ROBO2: variants seen among roughly 807,000 people sequenced by gnomAD.
ROBO2 encodes the protein roundabout guidance receptor 2, also known as roundabout homolog 2.
Under a neutral mutation model 160.8 loss-of-function variants are expected in ROBO2, and 53 were observed. The ratio of observed to expected loss-of-function variants is 0.33; its 90% CI spans 0.26 to 0.41. The LOEUF is 0.41. Ranked by LOEUF, ROBO2 falls within the 10% of genes least tolerant of loss-of-function variation. The probability of loss-of-function intolerance (pLI) is 1.00; values close to 1 mark genes in which losing one functional copy is unlikely to be tolerated. For missense variants in ROBO2, 1,577 were observed against 1,722.4 expected (o/e 0.92, Z 1.49); for synonymous variants, 664 against 611.7 (o/e 1.09, Z -1.26).
intron 2 of ROBO2, among the ~76,000 whole-genome samples, chr3:77,406,664 G>A (rs2076278604): frequency 6.6e-6 from 1 of 151,988 alleles, no homozygotes; most frequent in South Asian, 2.1e-4. Flanking sequence ...TTACCTATAA[G>A]TTGAAAAGTA....
intron 2 of ROBO2, among the ~76,000 whole-genome samples, chr3:76,427,511 A>G (rs148904514): frequency 3.3e-5 from 5 of 152,300 alleles, no homozygotes; most frequent in Admixed American, 3.3e-4. Flanking sequence ...CTGCAAAAAA[A>G]TGTAACTTAA....
At chr3:76,634,586 A>AAG (rs2090215500) in intron 2 of ROBO2, among the ~76,000 whole-genome samples, 1 of 151,064 alleles carries the variant, frequency 6.6e-6, no homozygotes, top group African/African-American at 2.4e-5. Flanking sequence ...AAAAAAAAAA[A>AAG]GGACATCAGT....
chr3:77,010,854 C>T (rs1170554719), intron 2 of ROBO2, among the ~76,000 whole-genome samples: 1 of 15,418 alleles, frequency 6.5e-5, no homozygotes, highest in African/African-American at 1.1e-4. Context: ...CCCTCCCTCT[C>T]TCCCTCCCTC....
At chr3:77,149,689 G>A (rs760609385) in intron 2 of ROBO2, among the ~76,000 whole-genome samples, 3 of 152,036 alleles carry the variant, frequency 2.0e-5, no homozygotes, top group Non-Finnish European at 2.9e-5. Flanking sequence ...AAAGCAAACT[G>A]TTGAGCAACA....
intron 2 of ROBO2, among the ~76,000 whole-genome samples, chr3:76,918,988 A>T (rs2076500363): frequency 6.7e-6 from 1 of 150,346 alleles, no homozygotes; most frequent in African/African-American, 2.5e-5. Flanking sequence ...AGAAGTGTCC[A>T]TTTATATCCT....
chr3:77,622,338 C>T (rs201339466), exon 23 of ROBO2: 24 of 1,613,952 alleles, frequency 1.5e-5, no homozygotes, highest in East Asian at 2.2e-5. Flanking sequence ...ATGATGCCGA[C>T]GACGAAGAGG....
intron 2 of ROBO2, among the ~76,000 whole-genome samples, chr3:76,677,539 A>G (rs927716404): frequency 7.9e-5 from 12 of 152,260 alleles, no homozygotes; most frequent in South Asian, 2.1e-4. Context: ...TAGAGAAACA[A>G]TCATGTTTCC....
chr3:77,573,517 A>G (rs1161232918), intron 13 of ROBO2, among the ~76,000 whole-genome samples: 1 of 152,174 alleles, frequency 6.6e-6, no homozygotes, highest in Non-Finnish European at 1.5e-5. Context: ...AATTTTGTCA[A>G]GAATGGGACA....
At chr3:77,103,839 G>T (rs1483711257) in intron 2 of ROBO2, among the ~76,000 whole-genome samples, 2 of 152,196 alleles carry the variant, frequency 1.3e-5, no homozygotes, top group African/African-American at 4.8e-5. Flanking sequence ...ACTGACTTTA[G>T]TATGAGAGGG....
chr3:77,069,690 A>T (rs1463755943), intron 1 of ROBO2, among the ~76,000 whole-genome samples: 2 of 152,094 alleles, frequency 1.3e-5, no homozygotes, highest in Non-Finnish European at 2.9e-5. Flanking sequence ...TTTGTATGAA[A>T]CACTCTTTTA....
At chr3:76,593,250 T>A (rs2086530664) in intron 2 of ROBO2, among the ~76,000 whole-genome samples, 1 of 152,074 alleles carries the variant, frequency 6.6e-6, no homozygotes, top group Non-Finnish European at 1.5e-5. Context: ...ACATTAAGAA[T>A]GCTGTAATCC....
chr3:76,545,334 A>G (rs1322303821), intron 2 of ROBO2, among the ~76,000 whole-genome samples: 4 of 152,018 alleles, frequency 2.6e-5, no homozygotes, highest in Non-Finnish European at 5.9e-5. Context: ...GTAATTATAG[A>G]AATTCTTAAC....
chr3:76,568,866 C>T (rs1399698142), intron 2 of ROBO2, among the ~76,000 whole-genome samples: 5 of 152,114 alleles, frequency 3.3e-5, no homozygotes, highest in Non-Finnish European at 7.4e-5. Context: ...CTATGTTCTA[C>T]TAAATGATGT....
chr3:77,074,751 T>A (rs1485441108), intron 1 of ROBO2, among the ~76,000 whole-genome samples: 1 of 152,074 alleles, frequency 6.6e-6, no homozygotes, highest in Non-Finnish European at 1.5e-5. Flanking sequence ...AATGAATGAA[T>A]GAATGAATGA....
At chr3:76,345,788 GTTTT>G (rs2074495667) in intron 2 of ROBO2, among the ~76,000 whole-genome samples, 1 of 151,956 alleles carries the variant, frequency 6.6e-6, no homozygotes, top group Non-Finnish European at 1.5e-5. Flanking sequence ...ATTGCTGAAA[GTTTT>G]ATTTATGAAA....
chr3:77,024,884 A>AT (rs765373122), intron 2 of ROBO2, among the ~76,000 whole-genome samples: 3 of 152,178 alleles, frequency 2.0e-5, no homozygotes, highest in Non-Finnish European at 4.4e-5. Flanking sequence ...GTATACAAAT[A>AT]TCGTAAAGTG....
chr3:76,513,056 A>C (rs565857246), intron 2 of ROBO2, among the ~76,000 whole-genome samples: 31 of 152,348 alleles, frequency 2.0e-4, no homozygotes, highest in Admixed American at 2.0e-3. Context: ...GTGAAGTCTG[A>C]TAAAGGAATG....
rs71629660 is a variant in ROBO2 at position 77,617,230 on chromosome 3, AGTTT to A, written c.3294-279_3294-276del. On this transcript the variant is annotated intron_variant, in intron 21 of 25. Transcript: ENST00000461745. ...GCAATTTGGTTTTTCCACATGAGTA[AGTTT>A]GTTGGGAAGTTATTGCCTCTTGTAA... Among the ~76,000 whole-genome samples the A allele has an allele frequency of 0.48, 72,792 of 151,598 alleles. 17,684 individuals carry two copies. The highest frequency in any genetic ancestry group is 0.62 in the Middle Eastern group (181 of 292).
At position 77,467,506 on chromosome 3, in the gene ROBO2, A is replaced by G. The variant is rs151206786; in HGVS notation, c.389-9908A>G. On this transcript the variant is annotated intron_variant, in intron 2 of 25. Transcript: ENST00000461745. ...AACCAGACTGAAAAGCTAGAAGCAG[A>G]CAGATGGTTATTTGTAATCATCCTG... Among the ~76,000 whole-genome samples the G allele has an allele frequency of 1.6e-3, 237 of 152,294 alleles. 1 individual carries two copies. Among genetic ancestry groups the G allele is most frequent in the Non-Finnish European group, 2.9e-3 (198 of 68,022 alleles).
Sources: allele counts gnomAD v4.1 joint callset (sites outside exome capture counted in the v4.1 genomes callset), GRCh38; gene constraint gnomAD v4.1.1; transcripts MANE v1.5; gene names NCBI Gene and HGNC (gene_info 2026-07-23, HGNC 2026-07-21).